Variants in CPXM2 observed in about 807,000 individuals in gnomAD.
The protein encoded by CPXM2 is carboxypeptidase X, M14 family member 2.
In CPXM2, 66 loss-of-function variants were observed where a neutral mutation model predicts 86.1. That is an observed-to-expected ratio of 0.77 (90% CI 0.63 to 0.94). The LOEUF (loss-of-function observed/expected upper bound fraction) is 0.94. Among genes scored for constraint, CPXM2 ranks in the 40% least tolerant of loss-of-function variants. The pLI, the probability that CPXM2 is intolerant of heterozygous loss-of-function variation, is 0.00. For synonymous variants in CPXM2, 388 were observed against 400.2 expected (o/e 0.97, Z 0.36); for missense variants, 948 against 1,026.3 (o/e 0.92, Z 1.04).
intron 11 of CPXM2, among the ~76,000 whole-genome samples, chr10:123,758,460 C>G (rs989589383): frequency 3.3e-5 from 5 of 152,132 alleles, no homozygotes; most frequent in African/African-American, 7.2e-5. Flanking sequence ...GCTTCTGTCC[C>G]TTACAAGGAC....
intron 4 of CPXM2, among the ~76,000 whole-genome samples, chr10:123,808,390 A>AACAACAACC (rs1255453616): frequency 7.1e-6 from 1 of 140,590 alleles, no homozygotes; most frequent in African/African-American, 3.1e-5. Context: ...CAACAACAAC[A>AACAACAACC]ACCAGCTGTT....
intron 2 of CPXM2, among the ~76,000 whole-genome samples, chr10:123,904,793 C>T (rs1259697976): frequency 2.0e-5 from 3 of 147,278 alleles, no homozygotes; most frequent in Non-Finnish European, 4.6e-5. Context: ...ATCAGGCATT[C>T]CCCTCTGCCA....
rs988799227 is a variant in CPXM2, at chr10:123,767,033, G to A, written c.1419C>T (p.Pro473=). 6.2e-6 allele frequency: 10 copies of A among 1,613,986 alleles called. No homozygotes were observed. Among genetic ancestry groups the A allele is most frequent in the Admixed American group, 1.7e-5 (1 of 60,004 alleles). ...CAATATAGTGATTGGGAACTTTCCT[G>A]GGGACATTCTGTCGATCCTCTGCCT... ...LWEAEDRQNV[P]RKVPNHYIAI... is the part of the protein sequence containing the mutation. The change falls in exon 10 of 14, where the codon CCC becomes CCT. Residue 473 remains proline (P), a synonymous_variant. Transcript: ENST00000241305.
intron 2 of CPXM2, among the ~76,000 whole-genome samples, chr10:123,939,277 C>A (rs1437093971): frequency 1.3e-5 from 2 of 152,170 alleles, no homozygotes; most frequent in African/African-American, 4.8e-5. Context: ...ATAGGACTCA[C>A]ATATTTAAAG....
intron 6 of CPXM2, among the ~76,000 whole-genome samples, chr10:123,780,962 G>C (rs569468152): frequency 6.6e-6 from 1 of 152,210 alleles, no homozygotes; most frequent in Non-Finnish European, 1.5e-5. Context: ...GAATACAGAA[G>C]CATGTTGCCC....
Position 123,880,353 on chromosome 10 carries a change from A to T in CPXM2, c.305-44T>A, listed in dbSNP as rs1216467297. On this transcript the variant is annotated intron_variant, in intron 1 of 13. Transcript: ENST00000241305. ...ATGCCTTTACTTTCACATACATCAG[A>T]GCTGGTTCAAGATGCTAAGAGTTCA... 3 of 855,476 alleles carry T rather than the reference A, an allele frequency of 3.5e-6. No homozygotes were observed. The African/African-American group carries it at 5.0e-5, about 14-fold the overall frequency. 53.0% of individuals were successfully genotyped at this position (855,476 alleles called of 1,614,324 possible).
chr10:123,930,874 G>A (rs546597472), intron 2 of CPXM2, among the ~76,000 whole-genome samples: 6 of 152,278 alleles, frequency 3.9e-5, no homozygotes, highest in South Asian at 2.1e-4. Flanking sequence ...TGAGTAGCCC[G>A]GGAGGTCTCC....
chr10:123,874,183 G>T (rs1484456469), intron 2 of CPXM2, among the ~76,000 whole-genome samples: 3 of 152,036 alleles, frequency 2.0e-5, no homozygotes, highest in Non-Finnish European at 4.4e-5. Context: ...ATTTCTAAAA[G>T]CCGAGAAGTC....
intron 3 of CPXM2, among the ~76,000 whole-genome samples, chr10:123,857,617 T>TGGAGAC (rs1848758929): frequency 1.4e-5 from 2 of 139,272 alleles, no homozygotes; most frequent in Non-Finnish European, 3.2e-5. Flanking sequence ...GGCGTGGAGA[T>TGGAGAC]GGAAGGCGGC....
At chr10:123,837,335 G>A in intron 4 of CPXM2, among the ~76,000 whole-genome samples, 1 of 152,106 alleles carries the variant, frequency 6.6e-6, no homozygotes, top group Non-Finnish European at 1.5e-5. Flanking sequence ...ACCTTCCTCA[G>A]CCCTCACCTC....
At chr10:123,943,136 A>G (rs1590134221), upstream of CPXM2, among the ~76,000 whole-genome samples, 3 of 111,268 alleles carry the variant, frequency 2.7e-5, no homozygotes, top group Non-Finnish European at 3.9e-5. Flanking sequence ...CTCAAAACAT[A>G]TCCCATAGTT....
chr10:123,846,706 C>A (rs1848503528), intron 3 of CPXM2, among the ~76,000 whole-genome samples: 1 of 152,108 alleles, frequency 6.6e-6, no homozygotes, highest in Non-Finnish European at 1.5e-5. Flanking sequence ...GTGAAGAAGA[C>A]CCAAGACAGT....
At chr10:123,793,633 TA>T (rs1847259376) in intron 6 of CPXM2, among the ~76,000 whole-genome samples, 1 of 152,054 alleles carries the variant, frequency 6.6e-6, no homozygotes, top group Non-Finnish European at 1.5e-5. Context: ...GCAACTCCAA[TA>T]AGCTTGTCTA....
chr10:123,816,793 T>C (rs1416785432), intron 4 of CPXM2, among the ~76,000 whole-genome samples: 3 of 152,242 alleles, frequency 2.0e-5, no homozygotes, highest in Admixed American at 1.3e-4. Context: ...TCTCCGGCTT[T>C]GTATCATAAT....
At chr10:123,843,776 G>A (rs1469447600) in intron 3 of CPXM2, among the ~76,000 whole-genome samples, 4 of 152,128 alleles carry the variant, frequency 2.6e-5, no homozygotes, top group Admixed American at 1.3e-4. Context: ...TAACATAAGC[G>A]TTCTATCAGG....
chr10:123,914,416 G>A (rs1036382453), intron 2 of CPXM2, among the ~76,000 whole-genome samples: 1 of 152,084 alleles, frequency 6.6e-6, no homozygotes, highest in African/African-American at 2.4e-5. Flanking sequence ...AGGGAAGCCT[G>A]TTCATTCTAC....
chr10:123,867,992 G>C (rs1054348935), intron 2 of CPXM2, among the ~76,000 whole-genome samples: 26 of 152,364 alleles, frequency 1.7e-4, no homozygotes, highest in Admixed American at 1.5e-3. Context: ...CCACGTAAGA[G>C]AGAGGAGGTC....
At chr10:123,760,961 A>T (rs984870794) in intron 11 of CPXM2, among the ~76,000 whole-genome samples, 4 of 152,024 alleles carry the variant, frequency 2.6e-5, no homozygotes, top group African/African-American at 9.7e-5. Context: ...ACCAACCCTC[A>T]CAAAAGGAAG....
chr10:123,884,628 A>G (rs1036656023), intron 1 of CPXM2, among the ~76,000 whole-genome samples: 1 of 152,160 alleles, frequency 6.6e-6, no homozygotes, highest in African/African-American at 2.4e-5. Context: ...CTGGACATGG[A>G]GGTACTCATG....
Sources: gnomAD v4.1 joint callset for allele counts (sites outside exome capture counted in the v4.1 genomes callset) on GRCh38, gnomAD v4.1.1 for gene constraint, MANE v1.5 for transcripts, NCBI Gene and HGNC (gene_info 2026-07-23, HGNC 2026-07-21) for gene names.